The following RFX3 variants were observed in gnomAD, a reference collection of about 807,000 sequenced individuals.
The protein encoded by RFX3 is transcription factor RFX3.
RFX3 carries 14 observed loss-of-function variants against 98.6 expected under a neutral mutation model. The observed-to-expected ratio is 0.14, with a 90% CI of 0.09 to 0.22. The LOEUF is 0.22. RFX3 is among the 10% of genes least tolerant of loss of function. The pLI is 1.00. For missense variants in RFX3, 639 were observed against 926.9 expected (o/e 0.69, Z 4.03); for synonymous variants, 383 against 328.4 (o/e 1.17, Z -1.80).
At chr9:3,320,679 T>C (rs1831167405) in intron 4 of RFX3, among the ~76,000 whole-genome samples, 1 of 149,642 alleles carries the variant, frequency 6.7e-6, no homozygotes, top group African/African-American at 2.5e-5. Context: ...ACTTTTTTCA[T>C]ATAAATGTGT....
chr9:3,237,954 C>T (rs1002018993), intron 15 of RFX3, among the ~76,000 whole-genome samples: 1 of 140,240 alleles, frequency 7.1e-6, no homozygotes, highest in Admixed American at 7.4e-5. Flanking sequence ...GCTTGGGTGA[C>T]AGAGCAAGAC....
intron 4 of RFX3, among the ~76,000 whole-genome samples, chr9:3,302,356 A>G (rs2991300): frequency 0.24 from 35,937 of 151,634 alleles, 6,435 homozygotes; most frequent in African/African-American, 0.51. Flanking sequence ...CATACCATGT[A>G]CGATTATTAA....
chr9:3,440,447 T>G (rs1333954283), intron 1 of RFX3, among the ~76,000 whole-genome samples: 1 of 152,066 alleles, frequency 6.6e-6, no homozygotes, highest in Admixed American at 6.5e-5. Flanking sequence ...TACTTACTAG[T>G]TATTAAAACC....
chr9:3,267,730 A>C (rs1388346788), intron 11 of RFX3, among the ~76,000 whole-genome samples: 1 of 151,922 alleles, frequency 6.6e-6, no homozygotes, highest in Non-Finnish European at 1.5e-5. Context: ...AAAAAAGAAA[A>C]AGGAAAGAAA....
At chr9:3,520,639 G>A (rs529393114) in intron 1 of RFX3, among the ~76,000 whole-genome samples, 10 of 152,234 alleles carry the variant, frequency 6.6e-5, no homozygotes, top group African/African-American at 2.4e-4. Flanking sequence ...AATCAAACTA[G>A]CCTATTCCAA....
At chr9:3,337,082 G>A (rs1833278446) in intron 3 of RFX3, among the ~76,000 whole-genome samples, 1 of 152,090 alleles carries the variant, frequency 6.6e-6, no homozygotes, top group Admixed American at 6.6e-5. Flanking sequence ...AGGCCTTATG[G>A]GTAGGAGGAG....
chr9:3,398,577 A>G (rs1161006517), intron 1 of RFX3, among the ~76,000 whole-genome samples: 1 of 152,136 alleles, frequency 6.6e-6, no homozygotes, highest in East Asian at 1.9e-4. Flanking sequence ...ACAGATGAGG[A>G]AGACAGCGTT....
At chr9:3,258,798 TATC>T (rs1822479189) in intron 13 of RFX3, among the ~76,000 whole-genome samples, 1 of 151,632 alleles carries the variant, frequency 6.6e-6, no homozygotes, top group African/African-American at 2.4e-5. Flanking sequence ...TTTATGCATA[TATC>T]ATCATATATA....
At chr9:3,467,315 T>C (rs926066905) in intron 1 of RFX3, among the ~76,000 whole-genome samples, 6 of 147,504 alleles carry the variant, frequency 4.1e-5, no homozygotes, top group African/African-American at 1.3e-4. Flanking sequence ...AATATATATA[T>C]GTGTGTGTGT....
In RFX3 at chr9:3,330,433, G is replaced by A. The variant is rs776149703; in HGVS notation, c.300C>T (p.Ser100=). The change falls in exon 4 of 17, where the codon TCC becomes TCT. Residue 100 remains serine (S), a synonymous_variant. Transcript: ENST00000617270. ...GGNYFDTQGS[S]AQVTTVVSSH... is the part of the protein sequence containing the mutation. Reference sequence around the variant, plus strand: ...ATGAGACCACGGTAGTCACCTGGGCGGAACTCCCTTGAGTATCAAAGTAAT... The same window carrying A: ...ATGAGACCACGGTAGTCACCTGGGCAGAACTCCCTTGAGTATCAAAGTAAT... 14 of 1,613,944 alleles carry A rather than the reference G, an allele frequency of 8.7e-6. No homozygotes were observed. The highest frequency in any genetic ancestry group is 6.7e-5 in the East Asian group (3 of 44,868).
intron 1 of RFX3, among the ~76,000 whole-genome samples, chr9:3,511,727 T>C (rs550674554): frequency 1.3e-5 from 2 of 152,164 alleles, no homozygotes; most frequent in African/African-American, 2.4e-5. Context: ...TTGGGAGAGT[T>C]AGTCTTCAAC....
intron 1 of RFX3, among the ~76,000 whole-genome samples, chr9:3,488,203 A>G (rs1227969952): frequency 6.6e-6 from 1 of 152,192 alleles, no homozygotes; most frequent in Admixed American, 6.5e-5. Context: ...AGAAACACAT[A>G]TAGAATTGTT....
chr9:3,491,497 T>C (rs1850716329), intron 1 of RFX3, among the ~76,000 whole-genome samples: 1 of 152,316 alleles, frequency 6.6e-6, no homozygotes, highest in South Asian at 2.1e-4. Context: ...CAGTTATAAA[T>C]GTTTATAATT....
chr9:3,282,488 G>A (rs1444876089), intron 7 of RFX3, among the ~76,000 whole-genome samples: 1 of 151,744 alleles, frequency 6.6e-6, no homozygotes, highest in South Asian at 2.1e-4. Flanking sequence ...GGAGGTTGAA[G>A]CTGCTGGCGA....
At chr9:3,435,599 C>T (rs181338490) in intron 1 of RFX3, among the ~76,000 whole-genome samples, 27 of 151,836 alleles carry the variant, frequency 1.8e-4, no homozygotes, top group East Asian at 1.4e-3. Context: ...TTTATTTATA[C>T]GGTGATTTTT....
chr9:3,296,387 G>C (rs183634162), intron 5 of RFX3, among the ~76,000 whole-genome samples: 1 of 151,828 alleles, frequency 6.6e-6, no homozygotes, highest in Non-Finnish European at 1.5e-5. Flanking sequence ...TTACTCGATT[G>C]GCTATGCAGG....
Position 3,330,501 on chromosome 9 carries a change from G to A in RFX3, c.232C>T (p.Pro78Ser). Residue 78 changes from proline to serine, a missense_variant, in exon 4 of 17, where the codon CCT becomes TCT. Pro to Ser is a moderately conservative substitution (Grantham distance 74, BLOSUM62 -1). Coordinates refer to ENST00000617270, the MANE Select transcript of RFX3 (RefSeq NM_001282116.2). ...CTGTACATCTGTGTCTCTGTGTAAG[G>A]ATACGTTGTTGTTCGGCTTTAGAAG... ...TNGAIRTTTYPYTETQMYSQN... is the reference protein window; with the variant it reads ...TNGAIRTTTYSYTETQMYSQN... 1 of 1,608,308 alleles carries A rather than the reference G, an allele frequency of 6.2e-7. No individual in the cohort carries two copies. Among genetic ancestry groups the A allele is most frequent in the Non-Finnish European group, 8.5e-7 (1 of 1,175,306 alleles).
chr9:3,366,658 T>G (rs1342622353), intron 2 of RFX3, among the ~76,000 whole-genome samples: 1 of 148,010 alleles, frequency 6.8e-6, no homozygotes, highest in Non-Finnish European at 1.5e-5. Context: ...TTTCCTTTCC[T>G]TTTCTTTCTC....
chr9:3,485,829 GAAT>G (rs1298841301), intron 1 of RFX3, among the ~76,000 whole-genome samples: 1 of 152,028 alleles, frequency 6.6e-6, no homozygotes, highest in Non-Finnish European at 1.5e-5. Flanking sequence ...AAGACTTTAA[GAAT>G]AATAGATATT....
Sources: gnomAD v4.1 joint callset for allele counts (sites outside exome capture counted in the v4.1 genomes callset) on GRCh38, gnomAD v4.1.1 for gene constraint, MANE v1.5 for transcripts, NCBI Gene and HGNC (gene_info 2026-07-23, HGNC 2026-07-21) for gene names.